The following DCLK2 variants were observed in gnomAD, a reference collection of about 807,000 sequenced individuals.
DCLK2 encodes the protein serine/threonine-protein kinase DCLK2.
In DCLK2, 31 loss-of-function variants were observed where a neutral mutation model predicts 78.4. That is an observed-to-expected ratio of 0.40 (90% CI 0.30 to 0.53). DCLK2 has a LOEUF of 0.53. Among genes scored for constraint, DCLK2 ranks in the 20% least tolerant of loss-of-function variants. The probability of loss-of-function intolerance (pLI) is 0.61; values close to 1 mark genes in which losing one functional copy is unlikely to be tolerated. For missense variants in DCLK2, 872 were observed against 973.7 expected (o/e 0.90, Z 1.39); for synonymous variants, 407 against 374.9 (o/e 1.09, Z -0.99).
Position 150,190,244 on chromosome 4 carries a change from T to TAGACAGAC in DCLK2, c.757-2891_757-2890insCAGACAGA, listed in dbSNP as rs766334131. 7.8e-5 allele frequency among the ~76,000 whole-genome samples: 5 copies of TAGACAGAC among 64,364 alleles called. No homozygotes were observed. In the South Asian group the frequency reaches 2.5e-3, roughly 33 times the overall value. The allele number at this position is 64,364 out of a possible 152,430, so 42.2% of individuals were successfully genotyped here. ...ATGGATAGATGGATAGTTAGATAGA[T>TAGACAGAC]AGATAGATAGATAGATAGATAGATA... On this transcript the variant is annotated intron_variant, in intron 2 of 15. Coordinates refer to ENST00000296550, the MANE Select transcript of DCLK2 (RefSeq NM_001040260.4).
At chr4:150,138,732 T>A (rs1261969981) in intron 2 of DCLK2, among the ~76,000 whole-genome samples, 1 of 152,098 alleles carries the variant, frequency 6.6e-6, no homozygotes, top group Non-Finnish European at 1.5e-5. Flanking sequence ...AGTGGCACGA[T>A]CTCAGCTCAC....
chr4:150,138,042 A>T (rs1206614021), intron 2 of DCLK2, among the ~76,000 whole-genome samples: 1 of 152,208 alleles, frequency 6.6e-6, no homozygotes, highest in Non-Finnish European at 1.5e-5. Context: ...GGCTATGTTC[A>T]TGAAATTTTT....
At chr4:150,217,773 T>A (rs1339936009) in intron 5 of DCLK2, among the ~76,000 whole-genome samples, 1 of 152,222 alleles carries the variant, frequency 6.6e-6, no homozygotes, top group African/African-American at 2.4e-5. Flanking sequence ...TTCATGCTTT[T>A]TTCTTCTCTT....
chr4:150,133,005 CTGATGAT>C (rs1733432712), intron 2 of DCLK2, among the ~76,000 whole-genome samples: 1 of 152,178 alleles, frequency 6.6e-6, no homozygotes, highest in Non-Finnish European at 1.5e-5. Context: ...TTAATGTATA[CTGATGAT>C]TGATTAACAT....
At chr4:150,222,729 G>C (rs1272969210) in intron 7 of DCLK2, among the ~76,000 whole-genome samples, 2 of 151,986 alleles carry the variant, frequency 1.3e-5, no homozygotes, top group Admixed American at 1.3e-4. Context: ...TTCCAGGTTG[G>C]GTGGCACACG....
intron 8 of DCLK2, among the ~76,000 whole-genome samples, chr4:150,230,680 T>G (rs941743047): frequency 9.2e-5 from 14 of 152,132 alleles, no homozygotes; most frequent in African/African-American, 3.1e-4. Flanking sequence ...AATATGTGAA[T>G]CAATGGAGAG....
At chr4:150,160,908 A>C (rs555997310) in intron 2 of DCLK2, among the ~76,000 whole-genome samples, 1 of 152,350 alleles carries the variant, frequency 6.6e-6, no homozygotes, top group African/African-American at 2.4e-5. Flanking sequence ...TAAATGACAC[A>C]GATGTTTGGT....
At chr4:150,117,042 A>G (rs1732146795) in intron 2 of DCLK2, among the ~76,000 whole-genome samples, 1 of 152,114 alleles carries the variant, frequency 6.6e-6, no homozygotes, top group African/African-American at 2.4e-5. Context: ...TTAAGCTACC[A>G]GGGTGGGTGG....
At chr4:150,102,318 G>A (rs528302581) in intron 1 of DCLK2, among the ~76,000 whole-genome samples, 160 bp from the exon 2 acceptor site, 2 of 152,256 alleles carry the variant, frequency 1.3e-5, no homozygotes, top group Non-Finnish European at 2.9e-5. Flanking sequence ...TTAAAAGAAA[G>A]GAAGGTGGGA....
intron 2 of DCLK2, among the ~76,000 whole-genome samples, chr4:150,118,241 C>T (rs1580535271): frequency 6.6e-6 from 1 of 152,136 alleles, no homozygotes; most frequent in East Asian, 1.9e-4. Flanking sequence ...GTCAAATAAG[C>T]TAATCAGGTG....
At chr4:150,203,937 G>A (rs1739647538) in intron 5 of DCLK2, 48 bp downstream of exon 5, 1 of 1,535,130 alleles carries the variant, frequency 6.5e-7, no homozygotes, top group Non-Finnish European at 9.0e-7. Context: ...GTTATTTAGA[G>A]TTTCATAGTT....
intron 2 of DCLK2, among the ~76,000 whole-genome samples, chr4:150,120,019 A>T (rs72965535): frequency 0.035 from 5,324 of 152,246 alleles, 287 homozygotes; most frequent in African/African-American, 0.12. Context: ...TTTGTATCTT[A>T]TTATGAATGC....
At chr4:150,146,880 A>G (rs1255976736) in intron 2 of DCLK2, among the ~76,000 whole-genome samples, 1 of 152,042 alleles carries the variant, frequency 6.6e-6, no homozygotes, top group Non-Finnish European at 1.5e-5. Context: ...TACCACCAAG[A>G]GGCTGCATAA....
intron 2 of DCLK2, among the ~76,000 whole-genome samples, chr4:150,157,485 GT>G (rs933996767): frequency 7.7e-6 from 1 of 130,488 alleles, no homozygotes; most frequent in African/African-American, 3.0e-5. Flanking sequence ...TGTAGAGATG[GT>G]TTTTTTGTTT....
rs771628293 is a variant in DCLK2, at chr4:150,102,544, C to T, written c.488C>T (p.Pro163Leu). The change falls in exon 2 of 16, where the codon CCA becomes CTA. Residue 163 changes from proline (P) to leucine (L), a missense_variant. This residue lies in a region of DCLK2 where 567 missense variants were observed against 593.4 expected (regional missense o/e 0.96). Coordinates refer to ENST00000296550, the MANE Select transcript of DCLK2 (RefSeq NM_001040260.4). ...GTCGATTACACCAAAAATATTAATC[C>T]AAACTGGTCTGTGAACATCAAGGGT... ...RKVDYTKNIN[P>L]NWSVNIKGGT... 6.2e-6 allele frequency: 10 copies of T among 1,613,970 alleles called. No individual in the cohort carries two copies. Among genetic ancestry groups the T allele is most frequent in the Non-Finnish European group, 8.5e-6 (10 of 1,180,012 alleles).
chr4:150,186,850 GC>G (rs1353746692), intron 2 of DCLK2, among the ~76,000 whole-genome samples: 5 of 151,864 alleles, frequency 3.3e-5, no homozygotes, highest in Admixed American at 6.6e-5. Context: ...CTGTGATCGT[GC>G]CACTGCACTC....
At chr4:150,100,053 C>T (rs1294602946) in intron 1 of DCLK2, among the ~76,000 whole-genome samples, 1 of 152,110 alleles carries the variant, frequency 6.6e-6, no homozygotes, top group Non-Finnish European at 1.5e-5. Context: ...GCTGGGACTA[C>T]AGATGTGTGC....
At chr4:150,117,157 G>C (rs1732156185) in intron 2 of DCLK2, among the ~76,000 whole-genome samples, 1 of 152,138 alleles carries the variant, frequency 6.6e-6, no homozygotes, top group Non-Finnish European at 1.5e-5. Flanking sequence ...CAGTTCTCTG[G>C]CTACTGGGGT....
At position 150,087,699 on chromosome 4, in the gene DCLK2, G is replaced by A. The variant is rs553279094; in HGVS notation, c.421+8251G>A. On this transcript the variant is annotated intron_variant, in intron 1 of 15. Coordinates refer to ENST00000296550, the MANE Select transcript of DCLK2 (RefSeq NM_001040260.4). ...ACACCCAGCAAGGCCTGTCTGTCTA[G>A]ATTCTTCTTGGCCTCTGTGAGCAAC... is the stretch of plus-strand genomic sequence containing the variant. Among the ~76,000 whole-genome samples, 98 of 152,286 alleles carry A rather than the reference G, an allele frequency of 6.4e-4. 1 individual carries two copies. The South Asian group carries it at 0.016, about 25-fold the overall frequency.
Sources: allele counts gnomAD v4.1 joint callset (sites outside exome capture counted in the v4.1 genomes callset), GRCh38; gene constraint gnomAD v4.1.1; regional missense constraint gnomAD v4.1.1; transcripts MANE v1.5; gene names NCBI Gene and HGNC (gene_info 2026-07-23, HGNC 2026-07-21).